Variants in MAML3 observed in about 807,000 individuals in gnomAD.
The protein encoded by MAML3 is mastermind like transcriptional coactivator 3.
A neutral mutation model predicts 101.9 loss-of-function variants in MAML3; 27 were observed. That is an observed-to-expected ratio of 0.27 (90% CI 0.20 to 0.37). MAML3 has a LOEUF of 0.37. Ranked by LOEUF, MAML3 falls within the 10% of genes least tolerant of loss-of-function variation. The pLI, the probability that MAML3 is intolerant of heterozygous loss-of-function variation, is 1.00. For missense variants in MAML3, 1,316 were observed against 1,444.9 expected (o/e 0.91, Z 1.45); for synonymous variants, 501 against 555.9 (o/e 0.90, Z 1.39).
chr4:139,962,029 G>A (rs1220910749), intron 1 of MAML3, among the ~76,000 whole-genome samples: 1 of 152,092 alleles, frequency 6.6e-6, no homozygotes. Flanking sequence ...AGGCTCAGGT[G>A]GGAGGATTGC....
intron 2 of MAML3, among the ~76,000 whole-genome samples, chr4:139,835,277 G>C (rs1731238951): frequency 6.6e-6 from 1 of 152,250 alleles, no homozygotes; most frequent in Non-Finnish European, 1.5e-5. Flanking sequence ...GTCCCAAGTT[G>C]GTAGTGAATG....
intron 1 of MAML3, among the ~76,000 whole-genome samples, chr4:140,033,089 C>A (rs149387023): frequency 1.3e-5 from 2 of 152,220 alleles, no homozygotes; most frequent in East Asian, 3.9e-4. Flanking sequence ...AAAAAGCATA[C>A]AAGAATAAGG....
At chr4:139,833,118 G>A (rs1433928505) in intron 2 of MAML3, among the ~76,000 whole-genome samples, 4 of 152,250 alleles carry the variant, frequency 2.6e-5, no homozygotes, top group Admixed American at 2.0e-4. Flanking sequence ...TCTTCGTCAC[G>A]TCACCAGCAG....
chr4:139,898,410 G>T (rs1048202385), intron 1 of MAML3, among the ~76,000 whole-genome samples: 2 of 152,206 alleles, frequency 1.3e-5, no homozygotes, highest in Non-Finnish European at 2.9e-5. Context: ...CTGAAATCCA[G>T]AGACTTTAAG....
chr4:139,928,986 A>G (rs2110728673), intron 1 of MAML3, among the ~76,000 whole-genome samples: 1 of 152,360 alleles, frequency 6.6e-6, no homozygotes, highest in African/African-American at 2.4e-5. Flanking sequence ...GTATATGAGC[A>G]TAATCAATTT....
chr4:140,130,467 G>T (rs1192992722), intron 1 of MAML3, among the ~76,000 whole-genome samples: 1 of 152,138 alleles, frequency 6.6e-6, no homozygotes, highest in African/African-American at 2.4e-5. Context: ...TGTTCTGAGG[G>T]TCACCTATCT....
chr4:139,836,787 T>C (rs776449424), intron 2 of MAML3, among the ~76,000 whole-genome samples: 2 of 152,154 alleles, frequency 1.3e-5, no homozygotes, highest in Non-Finnish European at 2.9e-5. Flanking sequence ...CTATTTCTCT[T>C]AGACAGTATG....
intron 1 of MAML3, among the ~76,000 whole-genome samples, chr4:140,151,771 G>A (rs1729175405): frequency 1.3e-5 from 2 of 151,580 alleles, no homozygotes; most frequent in African/African-American, 2.4e-5. Flanking sequence ...GGAGAGGGGA[G>A]ATAAGAGAAA....
At chr4:140,068,062 A>G (rs939760898) in intron 1 of MAML3, among the ~76,000 whole-genome samples, 3 of 152,072 alleles carry the variant, frequency 2.0e-5, no homozygotes, top group Non-Finnish European at 2.9e-5. Flanking sequence ...CTTTTTGTGA[A>G]CAGAAAGGCC....
chr4:139,898,008 G>A (rs539848223), intron 1 of MAML3, among the ~76,000 whole-genome samples: 8 of 152,296 alleles, frequency 5.3e-5, no homozygotes, highest in Non-Finnish European at 1.2e-4. Flanking sequence ...CCAATTCTAT[G>A]TGTCCTTTAC....
intron 2 of MAML3, among the ~76,000 whole-genome samples, chr4:139,858,189 G>A (rs192249183): frequency 3.3e-5 from 5 of 152,324 alleles, no homozygotes; most frequent in African/African-American, 4.8e-5. Context: ...ACACAGAGAG[G>A]TTAAGTAACT....
At chr4:140,064,102 G>C (rs908899378) in intron 1 of MAML3, among the ~76,000 whole-genome samples, 9 of 152,132 alleles carry the variant, frequency 5.9e-5, no homozygotes, top group Middle Eastern at 3.4e-3. Flanking sequence ...CTTCTTACTG[G>C]GGAAAATCAG....
At chr4:139,760,426 C>T (rs568394857) in intron 2 of MAML3, among the ~76,000 whole-genome samples, 5 of 152,118 alleles carry the variant, frequency 3.3e-5, no homozygotes, top group Admixed American at 1.3e-4. Flanking sequence ...CCCAGCACTT[C>T]GGGAAAATTA....
At chr4:139,894,616 G>C (rs551213620) in intron 1 of MAML3, among the ~76,000 whole-genome samples, 1 of 152,198 alleles carries the variant, frequency 6.6e-6, no homozygotes, top group South Asian at 2.1e-4. Flanking sequence ...TCTAACCCTT[G>C]TTCCTAAATC....
chr4:139,813,293 T>C (rs763950979), intron 2 of MAML3, among the ~76,000 whole-genome samples: 11 of 152,058 alleles, frequency 7.2e-5, no homozygotes, highest in Admixed American at 1.3e-4. Context: ...AAAAGAAACT[T>C]TCACAGAACT....
chr4:140,114,852 C>A (rs1278933752), intron 1 of MAML3, among the ~76,000 whole-genome samples: 2 of 152,126 alleles, frequency 1.3e-5, no homozygotes, highest in Non-Finnish European at 2.9e-5. Flanking sequence ...GCCATAATAC[C>A]ATTATCACAT....
At chr4:139,779,630 C>T (rs1730161832) in intron 2 of MAML3, among the ~76,000 whole-genome samples, 1 of 152,174 alleles carries the variant, frequency 6.6e-6, no homozygotes. Context: ...GATCTGCCAG[C>T]AATACACATG....
At chr4:139,726,949 T>A (rs1250651682) in intron 3 of MAML3, among the ~76,000 whole-genome samples, 1 of 152,234 alleles carries the variant, frequency 6.6e-6, no homozygotes, top group Non-Finnish European at 1.5e-5. Flanking sequence ...CTTGGGGATG[T>A]TGTTTAACCT....
chr4:140,024,416 T>C (rs1726787101), intron 1 of MAML3, among the ~76,000 whole-genome samples: 1 of 152,074 alleles, frequency 6.6e-6, no homozygotes, highest in Non-Finnish European at 1.5e-5. Context: ...TTAACAGAGA[T>C]GGGTGCCTCA....
Sources: allele counts gnomAD v4.1 joint callset (sites outside exome capture counted in the v4.1 genomes callset), GRCh38; gene constraint gnomAD v4.1.1; transcripts MANE v1.5; gene names NCBI Gene and HGNC (gene_info 2026-07-23, HGNC 2026-07-21).